Variants in SEL1L2 observed in about 807,000 individuals in gnomAD.
The protein encoded by SEL1L2 is SEL1L2 adaptor subunit of SYVN1 ubiquitin ligase, also known as protein sel-1 homolog 2.
In SEL1L2, 89 loss-of-function variants were observed where a neutral mutation model predicts 98.8. The observed-to-expected ratio is 0.90, with a 90% CI of 0.76 to 1.07. SEL1L2 has a LOEUF of 1.07. Ranked by LOEUF, SEL1L2 falls within the 50% of genes least tolerant of loss-of-function variation. SEL1L2 has a pLI of 0.00. For missense variants in SEL1L2, 788 were observed against 812.0 expected, an observed-to-expected ratio of 0.97 and a Z score of 0.36; for synonymous variants, 262 against 278.5, an observed-to-expected ratio of 0.94 and a Z score of 0.59.
chr20:13,875,912 G>A (rs73085418), intron 12 of SEL1L2, 126 bp downstream of exon 12: 63,864 of 728,312 alleles, frequency 0.088, 3,078 homozygotes, highest in East Asian at 0.12. Context: ...ACTTCTCCAG[G>A]ACACAAAACT....
intron 17 of SEL1L2, among the ~76,000 whole-genome samples, chr20:13,861,226 A>G (rs1422037758): frequency 6.6e-6 from 1 of 151,858 alleles, no homozygotes; most frequent in Non-Finnish European, 1.5e-5. Flanking sequence ...CCTAGGCTGT[A>G]GTGCAATGGC....
chr20:13,956,519 G>GA (rs1263403386), intron 1 of SEL1L2, among the ~76,000 whole-genome samples: 1 of 151,962 alleles, frequency 6.6e-6, no homozygotes, highest in Non-Finnish European at 1.5e-5. Flanking sequence ...CATAGAAGAG[G>GA]AAATATAACA....
At chr20:13,889,527 C>G (rs1216835512) in intron 5 of SEL1L2, among the ~76,000 whole-genome samples, 2 of 152,142 alleles carry the variant, frequency 1.3e-5, no homozygotes, top group East Asian at 3.9e-4. Context: ...TGCGGTGGCT[C>G]ACACCTGTAA....
At chr20:13,949,667 C>CA (rs2050176373) in intron 2 of SEL1L2, among the ~76,000 whole-genome samples, 2 of 130,688 alleles carry the variant, frequency 1.5e-5, no homozygotes, top group South Asian at 2.5e-4. Context: ...TGTCTCAAAA[C>CA]AAAAAACAAA....
intron 1 of SEL1L2, among the ~76,000 whole-genome samples, chr20:13,956,606 T>C (rs2050553232): frequency 6.6e-6 from 1 of 152,164 alleles, no homozygotes; most frequent in Non-Finnish European, 1.5e-5. Flanking sequence ...ATCTGAGAAA[T>C]GTAGACTGAT....
intron 1 of SEL1L2, among the ~76,000 whole-genome samples, chr20:13,977,170 G>C (rs1288077413): frequency 6.6e-6 from 1 of 152,190 alleles, no homozygotes; most frequent in Non-Finnish European, 1.5e-5. Context: ...TGCTGGTCTA[G>C]AGATTAGAAG....
At chr20:13,894,442 C>G (rs1018937600) in intron 5 of SEL1L2, among the ~76,000 whole-genome samples, 1 of 152,122 alleles carries the variant, frequency 6.6e-6, no homozygotes, top group Admixed American at 6.5e-5. Flanking sequence ...CACCTGTAAT[C>G]CCAGCTATTG....
chr20:13,868,272 G>C (rs2046017530), intron 14 of SEL1L2, among the ~76,000 whole-genome samples: 2 of 151,924 alleles, frequency 1.3e-5, no homozygotes. Context: ...AAGCAATCCT[G>C]TCTATCTATC....
At chr20:13,869,723 T>C (rs1395502233) in intron 13 of SEL1L2, 133 bp from the exon 14 acceptor site, 1 of 599,584 alleles carries the variant, frequency 1.7e-6, no homozygotes, top group Non-Finnish European at 3.0e-6. Context: ...ATCAGAAACA[T>C]TATATATTTT....
At chr20:13,856,937 C>T (rs1600462762) in intron 18 of SEL1L2, among the ~76,000 whole-genome samples, 1 of 152,130 alleles carries the variant, frequency 6.6e-6, no homozygotes, top group Non-Finnish European at 1.5e-5. Context: ...GACTTAACTG[C>T]TGGGAAGGCC....
chr20:13,989,864 G>A (rs917124616), intron 1 of SEL1L2, among the ~76,000 whole-genome samples: 1 of 151,988 alleles, frequency 6.6e-6, no homozygotes, highest in African/African-American at 2.4e-5. Flanking sequence ...GGCAGTGAGA[G>A]TGCTGAATTC....
chr20:13,904,678 A>T (rs1301810690), intron 5 of SEL1L2, among the ~76,000 whole-genome samples: 1 of 152,086 alleles, frequency 6.6e-6, no homozygotes. Flanking sequence ...TACTCCTCTC[A>T]CCCTTGTAAC....
rs1027889588 is a variant in SEL1L2, at chr20:13,915,289, T to C, written c.387-1345A>G. ...AGTACTCCAGTGGAACAAAAAGAGA[T>C]AGAAAACTGGAGTTCAGGAGATCAA... On this transcript the variant is annotated intron_variant, in intron 4 of 19. Transcript: ENST00000284951. The C allele has an allele frequency of 4.8e-6, 6 of 1,253,522 alleles. No homozygotes were observed. The African/African-American group carries it at 7.7e-5, about 16-fold the overall frequency. The allele number at this position is 1,253,522 out of a possible 1,614,324, so 77.6% of individuals were successfully genotyped here.
chr20:13,929,912 T>G (rs1364900818), intron 3 of SEL1L2, among the ~76,000 whole-genome samples: 3 of 152,114 alleles, frequency 2.0e-5, no homozygotes, highest in Non-Finnish European at 4.4e-5. Flanking sequence ...TGCCTCAACC[T>G]CCCAAGTAGC....
intron 1 of SEL1L2, among the ~76,000 whole-genome samples, chr20:13,961,769 C>T (rs896840145): frequency 1.3e-5 from 2 of 152,140 alleles, no homozygotes; most frequent in Non-Finnish European, 2.9e-5. Context: ...GAACCACTTC[C>T]GGAGGGTAGA....
At chr20:13,972,219 A>G (rs2051318039) in intron 1 of SEL1L2, among the ~76,000 whole-genome samples, 1 of 152,210 alleles carries the variant, frequency 6.6e-6, no homozygotes, top group East Asian at 1.9e-4. Context: ...TGGAAATGTT[A>G]ATTTACAAAA....
chr20:13,890,161 C>T (rs1246530038), intron 5 of SEL1L2, among the ~76,000 whole-genome samples: 6 of 152,142 alleles, frequency 3.9e-5, no homozygotes, highest in Admixed American at 2.0e-4. Flanking sequence ...GAGAAAAAGC[C>T]CAACTGACAG....
chr20:13,941,650 G>C (rs1383540270), intron 2 of SEL1L2, among the ~76,000 whole-genome samples: 1 of 152,140 alleles, frequency 6.6e-6, no homozygotes, highest in Non-Finnish European at 1.5e-5. Context: ...AGAAGACTGG[G>C]GACAGATGAG....
At chr20:13,991,340 T>C (rs1005189718), upstream of SEL1L2, among the ~76,000 whole-genome samples, 1 of 152,238 alleles carries the variant, frequency 6.6e-6, no homozygotes, top group African/African-American at 2.4e-5. Context: ...TTCCTTTTAT[T>C]AGTTTCCCAT....
Sources: gnomAD v4.1 joint callset for allele counts (sites outside exome capture counted in the v4.1 genomes callset) on GRCh38, gnomAD v4.1.1 for gene constraint, MANE v1.5 for transcripts, NCBI Gene and HGNC (gene_info 2026-07-23, HGNC 2026-07-21) for gene names.